DUSP10: variants seen among roughly 807,000 people sequenced by gnomAD.
The protein encoded by DUSP10 is dual specificity phosphatase 10.
A neutral mutation model predicts 30.8 loss-of-function variants in DUSP10; 14 were observed. The observed-to-expected ratio is 0.46, with a 90% CI of 0.30 to 0.71. The LOEUF is 0.71. Among genes scored for constraint, DUSP10 ranks in the 30% least tolerant of loss-of-function variants. The pLI, the probability that DUSP10 is intolerant of heterozygous loss-of-function variation, is 0.08. For synonymous variants in DUSP10, 254 were observed against 250.4 expected (o/e 1.01, Z -0.14); for missense variants, 550 against 619.4 (o/e 0.89, Z 1.19).
chr1:221,733,975 C>T (rs1409387736), intron 2 of DUSP10, among the ~76,000 whole-genome samples: 1 of 152,186 alleles, frequency 6.6e-6, no homozygotes, highest in Non-Finnish European at 1.5e-5. Context: ...AACTGTGCAG[C>T]AGTTCAGAAA....
chr1:221,722,547 T>A (rs1018332108), intron 2 of DUSP10, among the ~76,000 whole-genome samples: 1 of 152,252 alleles, frequency 6.6e-6, no homozygotes, highest in African/African-American at 2.4e-5. Context: ...ACAAGTCATA[T>A]TGATTTCTTT....
chr1:221,702,268 A>G lies in DUSP10; in HGVS notation c.*144T>C. 1 of 934,606 alleles carries G rather than the reference A, an allele frequency of 1.1e-6. No individual in the cohort carries two copies. Among genetic ancestry groups the G allele is most frequent in the Non-Finnish European group, 1.6e-6 (1 of 624,242 alleles). 57.9% of individuals were successfully genotyped at this position (934,606 alleles called of 1,614,324 possible). A position where few individuals can be genotyped will look rare whatever the true frequency, so the allele number is the denominator to read the frequency against. ...TTATAGTCTTCTTACACTTGTTAAA[A>G]ATAAAGTGTTTAAACAAGTTTGTTT... On this transcript the variant is annotated 3_prime_UTR_variant, in exon 4 of 4. Coordinates refer to ENST00000366899, the MANE Select transcript of DUSP10 (RefSeq NM_007207.6). The surrounding 1 kb of genome is among the most constrained non-coding windows in gnomAD (Gnocchi z 4.5).
rs1252826780 is a variant in DUSP10, at chr1:221,702,603, T to A, written c.1258A>T (p.Ile420Phe). 6.2e-7 allele frequency: 1 copy of A among 1,613,998 alleles called. No homozygotes were observed. The highest frequency in any genetic ancestry group is 1.3e-5 in the African/African-American group (1 of 74,912). Residue 420 changes from isoleucine to phenylalanine, a missense_variant, in exon 4 of 4, where the codon ATC becomes TTC. Ile to Phe is a conservative substitution (Grantham distance 21). Transcript: ENST00000366899. The surrounding 1 kb of genome is among the most constrained non-coding windows in gnomAD (Gnocchi z 4.5). The stretch of plus-strand genomic sequence containing the variant: ...CGAGTGTGCTTCATCAAGTAAGCGA[T>A]GACGATGGTGGCGGAGCGGGACACC... ...AGVSRSATIV[I>F]AYLMKHTRMT...
rs1558114322 is a variant in DUSP10, at chr1:221,702,722, G to A, written c.1184-45C>T. 1 of 1,585,132 alleles carries A rather than the reference G, an allele frequency of 6.3e-7. No individual in the cohort carries two copies. The highest frequency in any genetic ancestry group is 1.1e-5 in the South Asian group (1 of 88,818). On this transcript the variant is annotated intron_variant, in intron 3 of 3. Coordinates refer to ENST00000366899, the MANE Select transcript of DUSP10 (RefSeq NM_007207.6). This position sits in a 1 kb window ranked among gnomAD's most constrained non-coding sequence, Gnocchi z 4.5. The stretch of plus-strand genomic sequence containing the variant: ...CAAGAGATGAAGGGAAGATGGAAGA[G>A]AGAGGCACGGAGAGAGAAACTTTCA...
At chr1:221,737,266 C>A (rs1661804654) in intron 2 of DUSP10, 1 of 985,270 alleles carries the variant, frequency 1.0e-6, no homozygotes. Flanking sequence ...ATCATGAACA[C>A]CTGCTCTGCG....
Position 221,702,325 on chromosome 1 carries a change from A to C in DUSP10, c.*87T>G. On this transcript the variant is annotated 3_prime_UTR_variant, in exon 4 of 4. Coordinates refer to ENST00000366899, the MANE Select transcript of DUSP10 (RefSeq NM_007207.6). The surrounding 1 kb of genome is among the most constrained non-coding windows in gnomAD (Gnocchi z 4.5). Reference sequence around the variant, plus strand: ...ACAAACTTACTCCCAACTACAAAAAAAAAAAGAAAGAAAAAAAACCAGAAT... The same window carrying C: ...ACAAACTTACTCCCAACTACAAAAACAAAAAGAAAGAAAAAAAACCAGAAT... 1 of 1,495,630 alleles carries C rather than the reference A, an allele frequency of 6.7e-7. No homozygotes were observed. The highest frequency in any genetic ancestry group is 9.0e-7 in the Non-Finnish European group (1 of 1,116,462). The allele number at this position is 1,495,630 out of a possible 1,614,324, so 92.6% of individuals were successfully genotyped here.
At chr1:221,709,271 A>G (rs941599418) in intron 2 of DUSP10, among the ~76,000 whole-genome samples, 11 of 151,874 alleles carry the variant, frequency 7.2e-5, no homozygotes, top group African/African-American at 2.2e-4. Context: ...CAATGATGTA[A>G]TGCTAACAGG....
chr1:221,714,523 T>C (rs182802355), intron 2 of DUSP10, among the ~76,000 whole-genome samples: 299 of 152,214 alleles, frequency 2.0e-3, no homozygotes, highest in African/African-American at 6.1e-3. Context: ...GAGAGTTCAT[T>C]TGCATAATAA....
At chr1:221,718,314 T>C (rs1210579753) in intron 2 of DUSP10, among the ~76,000 whole-genome samples, 1 of 152,178 alleles carries the variant, frequency 6.6e-6, no homozygotes, top group East Asian at 1.9e-4. Context: ...GACCTCCATG[T>C]GGCATCCTTC....
At chr1:221,703,129 A>G (rs1314592800) in intron 3 of DUSP10, among the ~76,000 whole-genome samples, 1 of 152,110 alleles carries the variant, frequency 6.6e-6, no homozygotes, top group Non-Finnish European at 1.5e-5. Context: ...AAAAGGAGAG[A>G]GGAAGGGGAA....
Position 221,706,102 on chromosome 1 carries a change from C to T in DUSP10, c.1176G>A (p.Glu392=). Residue 392 remains glutamate, a synonymous_variant, in exon 3 of 4, where the codon GAG becomes GAA. Transcript: ENST00000366899. The surrounding 1 kb of genome is among the most constrained non-coding windows in gnomAD (Gnocchi z 4.6). ...CCTATGGGAGATAGTTACCAATGAACTCAAAAGCCTCTTCAAAGTACTGCC... is the reference window on the plus strand; with the variant it reads ...CCTATGGGAGATAGTTACCAATGAATTCAAAAGCCTCTTCAAAGTACTGCC... ...NLRQYFEEAF[E]FIEEAHQCGK... 6.2e-7 allele frequency: 1 copy of T among 1,612,338 alleles called. No homozygotes were observed.
chr1:221,711,702 T>C (rs1660941738), intron 2 of DUSP10: 2 of 152,254 alleles, frequency 1.3e-5, no homozygotes, highest in Non-Finnish European at 1.5e-5. Flanking sequence ...ACTTGTAATA[T>C]AATAATTTCT....
chr1:221,728,350 G>A lies in DUSP10; in HGVS notation c.811+10584C>T, dbSNP rs1290867333. Among the ~76,000 whole-genome samples, 4 of 152,210 alleles carry A rather than the reference G, an allele frequency of 2.6e-5. No individual in the cohort carries two copies. In the East Asian group the frequency reaches 7.7e-4, roughly 29 times the overall value. ...TGTGAAGCTGGGTGCTCTGTCAGAA[G>A]ACAGATTCTGCCTCTATGAATGCTG... On this transcript the variant is annotated intron_variant, in intron 2 of 3. Coordinates refer to ENST00000366899, the MANE Select transcript of DUSP10 (RefSeq NM_007207.6).
At chr1:221,718,130 A>AG (rs1661167321) in intron 2 of DUSP10, among the ~76,000 whole-genome samples, 1 of 5,226 alleles carries the variant, frequency 1.9e-4, no homozygotes, top group South Asian at 4.2e-3. Flanking sequence ...CGGGGGCTGC[A>AG]GGGGGTGGGG....
chr1:221,707,886 T>C (rs1660813513), intron 2 of DUSP10, among the ~76,000 whole-genome samples: 1 of 152,180 alleles, frequency 6.6e-6, no homozygotes, highest in Non-Finnish European at 1.5e-5. Context: ...TTGTTTAAAT[T>C]AGGGAATTTA....
chr1:221,716,963 A>T (rs1414371633), intron 2 of DUSP10, among the ~76,000 whole-genome samples: 2 of 152,190 alleles, frequency 1.3e-5, no homozygotes, highest in African/African-American at 4.8e-5. Flanking sequence ...GGAGTTGAGG[A>T]GGTGAGTGAC....
chr1:221,733,283 A>C (rs2102649582), intron 2 of DUSP10, among the ~76,000 whole-genome samples: 1 of 152,380 alleles, frequency 6.6e-6, no homozygotes, highest in Admixed American at 6.5e-5. Flanking sequence ...AGAAAAGTGT[A>C]CATATTCACC....
At position 221,731,958 on chromosome 1, in the gene DUSP10, CAGG is replaced by C. The variant is rs56773581; in HGVS notation, c.811+6973_811+6975del. Among the ~76,000 whole-genome samples the C allele has an allele frequency of 4.9e-3, 739 of 152,192 alleles. 5 individuals are homozygous for C. Among genetic ancestry groups the C allele is most frequent in the African/African-American group, 0.017 (697 of 41,528 alleles). ...AAAAAAAGTACAAACATGTGCTTCA[CAGG>C]AGAACAAAATTTCGTGAAGATGAAA... On this transcript the variant is annotated intron_variant, in intron 2 of 3. Coordinates refer to ENST00000366899, the MANE Select transcript of DUSP10 (RefSeq NM_007207.6).
At chr1:221,719,006 C>A (rs1000257611) in intron 2 of DUSP10, among the ~76,000 whole-genome samples, 4 of 152,124 alleles carry the variant, frequency 2.6e-5, no homozygotes, top group African/African-American at 9.7e-5. Flanking sequence ...GATAGGGTTC[C>A]ATTGCTAAAA....
Sources: allele counts gnomAD v4.1 joint callset (sites outside exome capture counted in the v4.1 genomes callset), GRCh38; gene constraint gnomAD v4.1.1; non-coding constraint Gnocchi (gnomAD v3.1); transcripts MANE v1.5; gene names NCBI Gene and HGNC (gene_info 2026-07-23, HGNC 2026-07-21).